Variants in UBR1 observed in about 807,000 individuals in gnomAD.
UBR1 encodes E3 ubiquitin-protein ligase UBR1.
UBR1 carries 102 observed loss-of-function variants against 242.1 expected under a neutral mutation model. That is an observed-to-expected ratio of 0.42 (90% CI 0.36 to 0.50). The LOEUF (loss-of-function observed/expected upper bound fraction) is 0.50. UBR1 is among the 20% of genes least tolerant of loss of function. The pLI is 0.01. For synonymous variants in UBR1, 675 were observed against 684.8 expected, an observed-to-expected ratio of 0.99 and a Z score of 0.22; for missense variants, 1,772 against 2,101.8, an observed-to-expected ratio of 0.84 and a Z score of 3.07.
At position 43,068,054 on chromosome 15, in the gene UBR1, T is replaced by C; in HGVS notation, c.660-18A>G. On this transcript the variant is annotated intron_variant, in intron 5 of 46. Transcript: ENST00000290650. Reference sequence around the variant, plus strand: ...TTTTCTCCCTGTTAGAAAAAAAACATATATATTTGGATACTACAACAAATA... The same window carrying C: ...TTTTCTCCCTGTTAGAAAAAAAACACATATATTTGGATACTACAACAAATA... The C allele has an allele frequency of 6.9e-7, 1 of 1,453,262 alleles. No homozygotes were observed. Among genetic ancestry groups the C allele is most frequent in the Non-Finnish European group, 9.2e-7 (1 of 1,082,098 alleles). The allele number at this position is 1,453,262 out of a possible 1,614,324, so 90.0% of individuals were successfully genotyped here. A position where few individuals can be genotyped will look rare whatever the true frequency, so the allele number is the denominator to read the frequency against.
chr15:43,020,367 C>T (rs914353188), intron 27 of UBR1, among the ~76,000 whole-genome samples: 1 of 152,180 alleles, frequency 6.6e-6, no homozygotes, highest in African/African-American at 2.4e-5. Flanking sequence ...TCCTTCATCT[C>T]TCCCATCAGA....
At chr15:42,975,039 G>T (rs186992608) in intron 39 of UBR1, among the ~76,000 whole-genome samples, 1 of 152,296 alleles carries the variant, frequency 6.6e-6, no homozygotes, top group Non-Finnish European at 1.5e-5. Context: ...TGGGATTACA[G>T]ACACCTGCCA....
chr15:42,949,967 T>G (rs1385791924), intron 46 of UBR1, among the ~76,000 whole-genome samples: 2 of 151,042 alleles, frequency 1.3e-5, no homozygotes, highest in African/African-American at 4.9e-5. Context: ...GCCTCCCAAG[T>G]AGCTGCGATT....
chr15:42,953,658 G>A (rs952805034), intron 44 of UBR1, among the ~76,000 whole-genome samples: 3 of 152,130 alleles, frequency 2.0e-5, no homozygotes, highest in Non-Finnish European at 4.4e-5. Context: ...GGAAAAGCTG[G>A]GAGGGAGCCT....
intron 22 of UBR1, among the ~76,000 whole-genome samples, chr15:43,026,918 G>A (rs1228218154): frequency 2.6e-5 from 4 of 152,018 alleles, no homozygotes; most frequent in Non-Finnish European, 4.4e-5. Context: ...ATACTATCTA[G>A]AACTGATACC....
chr15:43,014,450 C>T (rs2032978398), intron 29 of UBR1, among the ~76,000 whole-genome samples: 5 of 152,046 alleles, frequency 3.3e-5, no homozygotes, highest in Non-Finnish European at 5.9e-5. Flanking sequence ...CGCCTCTTCC[C>T]GGCTGCCATC....
Position 43,054,793 on chromosome 15 carries a change from C to T in UBR1, c.1388G>A (p.Gly463Asp), listed in dbSNP as rs749638136. 11 of 1,614,104 alleles carry T rather than the reference C, an allele frequency of 6.8e-6. No individual in the cohort carries two copies. In the East Asian group the frequency reaches 8.9e-5, roughly 13 times the overall value. Residue 463 changes from glycine (G) to aspartate (D), a missense_variant, in exon 12 of 47, where the codon GGT (glycine) becomes GAT (aspartate). Physicochemically the swap from Gly to Asp is moderately conservative, Grantham distance 94 (BLOSUM62 -1). This residue lies in a region of UBR1 where 734 missense variants were observed against 893.3 expected (regional missense o/e 0.82). Transcript: ENST00000290650. Reference sequence around the variant, plus strand: ...TCTTCCCAATTTGTCCTGGCTATAACCCTGGAAGTTGAATTTATTGTTCCT... The same window carrying T: ...TCTTCCCAATTTGTCCTGGCTATAATCCTGGAAGTTGAATTTATTGTTCCT... ...LDRNNKFNFQ[G>D]YSQDKLGRVY...
At position 43,050,998 on chromosome 15, in the gene UBR1, AT is replaced by A. The variant is rs138540894; in HGVS notation, c.1440-2508del. On this transcript the variant is annotated intron_variant, in intron 12 of 46. Coordinates refer to ENST00000290650, the MANE Select transcript of UBR1 (RefSeq NM_174916.3). ...GGTAGGAGCATAAATTAATTCAAGC[AT>A]TATGGAAGACAGTGTGACAATTCCT... is the stretch of plus-strand genomic sequence containing the variant. Among the ~76,000 whole-genome samples the A allele has an allele frequency of 5.8e-3, 889 of 152,340 alleles. 11 individuals carry two copies. The highest frequency in any genetic ancestry group is 0.02 in the African/African-American group (844 of 41,570).
At position 42,950,347 on chromosome 15, in the gene UBR1, C is replaced by T. The variant is rs758969172; in HGVS notation, c.5023G>A (p.Val1675Met). The change falls in exon 46 of 47, where the codon GTG (valine) becomes ATG (methionine). Residue 1675 changes from valine to methionine, a missense_variant. Coordinates refer to ENST00000290650, the MANE Select transcript of UBR1 (RefSeq NM_174916.3). ...CTGGCTTTACCTTCAACCAGGACCA[C>T]TCGGCATTCTCTGATTCTGAAAGAG... ...CIFLKIRECR[V>M]VLVEGKARGC... 4.3e-6 allele frequency: 7 copies of T among 1,614,136 alleles called. No individual in the cohort carries two copies. The highest frequency in any genetic ancestry group is 1.3e-5 in the African/African-American group (1 of 75,044).
At chr15:42,948,597 C>A (rs1413473114) in intron 46 of UBR1, among the ~76,000 whole-genome samples, 2 of 150,376 alleles carry the variant, frequency 1.3e-5, no homozygotes, top group Non-Finnish European at 3.0e-5. Context: ...AACAAACAAA[C>A]AACCCCATCA....
At chr15:42,970,427 C>T in intron 40 of UBR1, 93 bp downstream of exon 40, 4 of 1,329,116 alleles carry the variant, frequency 3.0e-6, no homozygotes, top group Non-Finnish European at 3.2e-6. Flanking sequence ...TTATTTTTAA[C>T]TGGAATTTAA....
chr15:42,966,116 C>T lies in UBR1; in HGVS notation c.4591+37G>A, dbSNP rs754429412. 7.4e-6 allele frequency: 12 copies of T among 1,613,876 alleles called. No homozygotes were observed. In the Middle Eastern group the frequency reaches 6.6e-4, roughly 89 times the overall value. On this transcript the variant is annotated intron_variant, in intron 41 of 46. Coordinates refer to ENST00000290650, the MANE Select transcript of UBR1 (RefSeq NM_174916.3). ...TTGAAGGTAAGAACAAAGAAAATCT[C>T]CCATTTTCCACTCCATGATTTCATT... is the stretch of plus-strand genomic sequence containing the variant.
intron 3 of UBR1, among the ~76,000 whole-genome samples, chr15:43,081,543 A>G (rs943421383): frequency 6.6e-6 from 1 of 151,780 alleles, no homozygotes; most frequent in Non-Finnish European, 1.5e-5. Flanking sequence ...CATTGTTTTA[A>G]TTTGCAATTC....
intron 6 of UBR1, among the ~76,000 whole-genome samples, chr15:43,063,357 C>T (rs2033711395): frequency 6.6e-6 from 1 of 152,220 alleles, no homozygotes; most frequent in Non-Finnish European, 1.5e-5. Flanking sequence ...AATTCTTCTC[C>T]TGGGACACTG....
chr15:43,011,790 A>G, intron 29 of UBR1: 1 of 338,318 alleles, frequency 3.0e-6, no homozygotes, highest in South Asian at 2.4e-5. Context: ...GCAGAGTTCC[A>G]CAAGGAGACA....
chr15:43,027,648 T>C, intron 22 of UBR1, 128 bp downstream of exon 22: 1 of 804,780 alleles, frequency 1.2e-6, no homozygotes, highest in Non-Finnish European at 2.0e-6. Flanking sequence ...TCTCACCCTT[T>C]CTAATCTGTA....
At chr15:42,986,252 A>G (rs924494669) in intron 35 of UBR1, among the ~76,000 whole-genome samples, 2 of 152,186 alleles carry the variant, frequency 1.3e-5, no homozygotes, top group African/African-American at 4.8e-5. Flanking sequence ...AGGGACTGAG[A>G]TAAGTTAGTT....
intron 46 of UBR1, 151 bp from the exon 47 acceptor site, chr15:42,945,621 ATTGATCACT>A: frequency 3.7e-5 from 1 of 27,040 alleles, no homozygotes; most frequent in Non-Finnish European, 1.1e-4. Flanking sequence ...TCCCTTCACC[ATTGATCACT>A]AAGAACTTGA....
At chr15:42,953,664 A>C (rs1047866846) in intron 44 of UBR1, among the ~76,000 whole-genome samples, 11 of 152,140 alleles carry the variant, frequency 7.2e-5, no homozygotes, top group Non-Finnish European at 2.9e-5. Flanking sequence ...GCTGGGAGGG[A>C]GCCTAAAGTA....
Sources: gnomAD v4.1 joint callset for allele counts (sites outside exome capture counted in the v4.1 genomes callset) on GRCh38, gnomAD v4.1.1 for gene constraint, gnomAD v4.1.1 regional missense constraint, MANE v1.5 for transcripts, NCBI Gene and HGNC (gene_info 2026-07-23, HGNC 2026-07-21) for gene names.